Variants in NFATC1 observed in about 807,000 individuals in gnomAD.
NFATC1 encodes nuclear factor of activated T-cells, cytoplasmic 1.
A neutral mutation model predicts 76.0 loss-of-function variants in NFATC1; 22 were observed. The observed-to-expected ratio is 0.29, with a 90% CI of 0.21 to 0.41. The LOEUF (loss-of-function observed/expected upper bound fraction) is 0.41. NFATC1 is among the 10% of genes least tolerant of loss of function. The pLI is 1.00. For synonymous variants in NFATC1, 704 were observed against 613.1 expected (o/e 1.15, Z -2.19); for missense variants, 1,357 against 1,337.7 (o/e 1.01, Z -0.23).
chr18:79,524,949 C>T lies in NFATC1; in HGVS notation c.2783-2579C>T, dbSNP rs559111872. ...CGAACACGATGGAGACCTCAGACGC[C>T]GTCCCCACCCTGTCACTGTCACCAT... is the stretch of plus-strand genomic sequence containing the variant. On this transcript the variant is annotated intron_variant, in intron 9 of 9. Transcript: ENST00000427363. The surrounding 1 kb of genome is among the most constrained non-coding windows in gnomAD (Gnocchi z 7.2). 1.4e-4 allele frequency among the ~76,000 whole-genome samples: 21 copies of T among 152,068 alleles called. No homozygotes were observed. The East Asian group carries it at 3.7e-3, about 27-fold the overall frequency.
At position 79,410,690 on chromosome 18, in the gene NFATC1, G is replaced by C. The variant is rs1461853148; in HGVS notation, c.415G>C (p.Val139Leu). Residue 139 changes from valine (V) to leucine (L), a missense_variant, in exon 2 of 10, where the codon GTG (valine) becomes CTG (leucine). Around this residue, in one of 3 missense-constraint regions of NFATC1, gnomAD observed 691 missense variants for 613.1 expected, o/e 1.13. Coordinates refer to ENST00000427363, the MANE Select transcript of NFATC1 (RefSeq NM_001278669.2). This position sits in a 1 kb window ranked among gnomAD's most constrained non-coding sequence, Gnocchi z 6.7. ...CAACAATAACCAGTTTTTCCACGAT[G>C]TGGAGGTGGAAGACGTCCTCCCTAG... ...YHNNNQFFHD[V>L]EVEDVLPSSK... is the part of the protein sequence containing the mutation. 1.2e-6 allele frequency: 2 copies of C among 1,612,990 alleles called. No individual in the cohort carries two copies. Among genetic ancestry groups the C allele is most frequent in the Admixed American group, 3.3e-5 (2 of 60,010 alleles).
intron 9 of NFATC1, among the ~76,000 whole-genome samples, chr18:79,510,246 G>A (rs1320238541): frequency 1.3e-5 from 2 of 152,144 alleles, no homozygotes; most frequent in Non-Finnish European, 2.9e-5. Flanking sequence ...GCCCCCGTGC[G>A]GAAACTCAGG....
intron 8 of NFATC1, among the ~76,000 whole-genome samples, chr18:79,479,565 G>C (rs1337085360): frequency 6.6e-6 from 1 of 152,252 alleles, no homozygotes; most frequent in Non-Finnish European, 1.5e-5. Flanking sequence ...TAGATGCTGG[G>C]GTGTGGAAGC....
chr18:79,412,101 G>A (rs564592016), intron 2 of NFATC1, among the ~76,000 whole-genome samples: 1 of 152,390 alleles, frequency 6.6e-6, no homozygotes, highest in South Asian at 2.1e-4. Flanking sequence ...GTGGCATCAG[G>A]CTGGGGGAGC....
intron 9 of NFATC1, among the ~76,000 whole-genome samples, chr18:79,504,423 G>C (rs962731899): frequency 2.0e-5 from 3 of 152,166 alleles, no homozygotes; most frequent in Admixed American, 6.5e-5. Context: ...AGAATGGCTG[G>C]TCAGTGGAGC....
At chr18:79,504,088 A>G (rs2090071977) in intron 9 of NFATC1, among the ~76,000 whole-genome samples, 1 of 151,950 alleles carries the variant, frequency 6.6e-6, no homozygotes, top group South Asian at 2.1e-4. Context: ...CTTTCTCTGT[A>G]TCAGCAATAA....
In NFATC1 at chr18:79,483,813, G is replaced by A. The variant is rs542934987; in HGVS notation, c.2093-2435G>A. Among the ~76,000 whole-genome samples the A allele has an allele frequency of 4.2e-5, 6 of 142,544 alleles. No individual in the cohort carries two copies. The South Asian group carries it at 7.0e-4, about 17-fold the overall frequency. 93.5% of individuals were successfully genotyped at this position (142,544 alleles called of 152,430 possible). On this transcript the variant is annotated intron_variant, in intron 8 of 9. Coordinates refer to ENST00000427363, the MANE Select transcript of NFATC1 (RefSeq NM_001278669.2). ...CTCGTTCCTGAGGTGTCACTCCAGC[G>A]TGACCTGGTCCTGGGGTGTCATTCC...
At chr18:79,442,684 G>T (rs966937499) in intron 3 of NFATC1, among the ~76,000 whole-genome samples, 16 of 152,180 alleles carry the variant, frequency 1.1e-4, no homozygotes, top group African/African-American at 3.6e-4. Context: ...TTGGCGCCAC[G>T]TGCTCACGCT....
chr18:79,488,727 C>T (rs976655115), intron 9 of NFATC1, among the ~76,000 whole-genome samples: 1 of 152,234 alleles, frequency 6.6e-6, no homozygotes, highest in African/African-American at 2.4e-5. Context: ...TCCAGTCCCT[C>T]ACCCCTGCTT....
intron 2 of NFATC1, among the ~76,000 whole-genome samples, chr18:79,413,000 ATTGGGAAAAT>A (rs1318008758): frequency 1.3e-5 from 2 of 152,222 alleles, no homozygotes; most frequent in African/African-American, 4.8e-5. Context: ...AGTTGGAGGC[ATTGGGAAAAT>A]TTAAGAACTG....
intron 2 of NFATC1, among the ~76,000 whole-genome samples, chr18:79,432,450 C>G (rs536965773): frequency 6.6e-6 from 1 of 152,390 alleles, no homozygotes; most frequent in South Asian, 2.1e-4. Flanking sequence ...CTGCCTCTGC[C>G]CACGCAGGGT....
intron 8 of NFATC1, among the ~76,000 whole-genome samples, chr18:79,478,066 GC>G (rs2089144704): frequency 6.7e-6 from 1 of 150,092 alleles, no homozygotes; most frequent in South Asian, 2.1e-4. Flanking sequence ...GGCTGAGCCT[GC>G]CCCCTGCCCC....
rs150655822 is a variant in NFATC1 at position 79,411,156 on chromosome 18, G to C, written c.881G>C (p.Ser294Thr). 5 of 1,612,240 alleles carry C rather than the reference G, an allele frequency of 3.1e-6. No homozygotes were observed. In the African/African-American group the frequency reaches 5.3e-5, roughly 17 times the overall value. Residue 294 changes from serine (S) to threonine (T), a missense_variant, in exon 2 of 10, where the codon AGC (serine) becomes ACC (threonine). Transcript: ENST00000427363. ...TPSPHGSPRV[S>T]VTDDSWLGNT... Reference sequence around the variant, plus strand: ...TCCCCGCACGGCTCCCCGCGGGTCAGCGTGACCGACGACTCGTGGTTGGGC... The same window carrying C: ...TCCCCGCACGGCTCCCCGCGGGTCACCGTGACCGACGACTCGTGGTTGGGC...
rs528198759 is a variant in NFATC1 at position 79,508,002 on chromosome 18, G to A, written c.2783-19526G>A. Among the ~76,000 whole-genome samples the A allele has an allele frequency of 7.9e-5, 12 of 152,322 alleles. No individual in the cohort carries two copies. In the East Asian group the frequency reaches 1.9e-3, roughly 24 times the overall value. Reference sequence around the variant, plus strand: ...CTTTTCCACAGTAGCTGCTGCCAGCGGGCTGTAAACTACCGTATATCACTC... The same window carrying A: ...CTTTTCCACAGTAGCTGCTGCCAGCAGGCTGTAAACTACCGTATATCACTC... On this transcript the variant is annotated intron_variant, in intron 9 of 9. Transcript: ENST00000427363.
At chr18:79,400,475 C>A in intron 1 of NFATC1, 1 of 1,483,870 alleles carries the variant, frequency 6.7e-7, no homozygotes, top group South Asian at 1.3e-5. Flanking sequence ...CCGCGGCCGC[C>A]CCAGGTGGGT....
intron 1 of NFATC1, among the ~76,000 whole-genome samples, chr18:79,408,574 C>G (rs1035829734): frequency 6.6e-6 from 1 of 152,224 alleles, no homozygotes; most frequent in Admixed American, 6.5e-5. Flanking sequence ...GTATCAGAAT[C>G]TCCATGAGGG....
chr18:79,446,272 G>C (rs867025309), intron 3 of NFATC1, among the ~76,000 whole-genome samples: 71 of 152,112 alleles, frequency 4.7e-4, no homozygotes, highest in African/African-American at 1.6e-3. Context: ...AAAGGATACA[G>C]TCATACCCCA....
In NFATC1 at chr18:79,415,954, CAG is replaced by C. The variant is rs774562556; in HGVS notation, c.1226+4455_1226+4456del. ...GCGGGCGCCTGTAATCCCAGCTACTCAGAAGGCTGAGGCAGGCGAATCATTTG... is the reference window on the plus strand; with the variant it reads ...GCGGGCGCCTGTAATCCCAGCTACTCAAGGCTGAGGCAGGCGAATCATTTG... On this transcript the variant is annotated intron_variant, in intron 2 of 9. Coordinates refer to ENST00000427363, the MANE Select transcript of NFATC1 (RefSeq NM_001278669.2). Among the ~76,000 whole-genome samples the C allele has an allele frequency of 1.8e-3, 279 of 152,240 alleles. 2 individuals are homozygous for C. Among genetic ancestry groups the C allele is most frequent in the Non-Finnish European group, 2.4e-3 (163 of 68,010 alleles).
rs878956014 is a variant in NFATC1, at chr18:79,433,515, G to T, written c.1227-64G>T. On this transcript the variant is annotated intron_variant, in intron 2 of 9. Coordinates refer to ENST00000427363, the MANE Select transcript of NFATC1 (RefSeq NM_001278669.2). Reference sequence around the variant, plus strand: ...CCAAGATGGCGACGGGTGAGCACGGGCACGTGTGGCCCGGGCGAGGTCTGT... The same window carrying T: ...CCAAGATGGCGACGGGTGAGCACGGTCACGTGTGGCCCGGGCGAGGTCTGT... 2.5e-6 allele frequency: 4 copies of T among 1,598,570 alleles called. No homozygotes were observed. In the South Asian group the frequency reaches 3.3e-5, roughly 13 times the overall value.
Sources: allele counts gnomAD v4.1 joint callset (sites outside exome capture counted in the v4.1 genomes callset), GRCh38; gene constraint gnomAD v4.1.1; regional missense constraint gnomAD v4.1.1; non-coding constraint Gnocchi (gnomAD v3.1); transcripts MANE v1.5; gene names NCBI Gene and HGNC (gene_info 2026-07-23, HGNC 2026-07-21).